The following SLC15A3 variants were observed in gnomAD, a reference collection of about 807,000 sequenced individuals.
SLC15A3 encodes osteoclast transporter.
A neutral mutation model predicts 49.2 loss-of-function variants in SLC15A3; 39 were observed. That is an observed-to-expected ratio of 0.79 (90% CI 0.61 to 1.04). The LOEUF is 1.04. Among genes scored for constraint, SLC15A3 ranks in the 50% least tolerant of loss-of-function variants. The pLI is 0.00. For synonymous variants in SLC15A3, 339 were observed against 367.0 expected, an observed-to-expected ratio of 0.92 and a Z score of 0.87; for missense variants, 758 against 794.8, an observed-to-expected ratio of 0.95 and a Z score of 0.56.
chr11:60,947,582 C>T lies in SLC15A3; in HGVS notation c.559-761G>A, dbSNP rs1392175766. On this transcript the variant is annotated intron_variant, in intron 1 of 7. Coordinates refer to ENST00000227880, the MANE Select transcript of SLC15A3 (RefSeq NM_016582.3). ...GTTACCGAAAGAACAGAAGTCTGAG[C>T]GAGAATTTCCTCTGCAGTTCGGAGA... Among the ~76,000 whole-genome samples, 7 of 152,242 alleles carry T rather than the reference C, an allele frequency of 4.6e-5. No homozygotes were observed. In the South Asian group the frequency reaches 1.2e-3, roughly 27 times the overall value.
chr11:60,950,617 T>TAAA (rs11417679), intron 1 of SLC15A3, among the ~76,000 whole-genome samples: 3 of 146,250 alleles, frequency 2.1e-5, no homozygotes, highest in Admixed American at 6.7e-5. Flanking sequence ...CACCTCTACT[T>TAAA]AAAAAAAAAA....
chr11:60,947,415 G>A (rs1183884420), intron 1 of SLC15A3, among the ~76,000 whole-genome samples: 4 of 152,160 alleles, frequency 2.6e-5, no homozygotes, highest in East Asian at 1.9e-4. Context: ...TCCTGACCTC[G>A]TGATCCGCTC....
At chr11:60,942,874 G>C (rs571666261) in intron 3 of SLC15A3, 4 of 152,182 alleles carry the variant, frequency 2.6e-5, no homozygotes, top group East Asian at 1.9e-4. Context: ...TCCTGTGAAG[G>C]GGGTATGGAA....
In SLC15A3 at chr11:60,951,677, C is replaced by A; in HGVS notation, c.-126G>T. The A allele has an allele frequency of 1.4e-6, 1 of 720,048 alleles. No individual in the cohort carries two copies. The highest frequency in any genetic ancestry group is 1.7e-6 in the Non-Finnish European group (1 of 577,408). The allele number at this position is 720,048 out of a possible 1,614,324, so 44.6% of individuals were successfully genotyped here. A position where few individuals can be genotyped will look rare whatever the true frequency, so the allele number is the denominator to read the frequency against. On this transcript the variant is annotated 5_prime_UTR_variant, in exon 1 of 8. Transcript: ENST00000227880. ...CAACTGGCTGGCCCTCCTTTCTCACCGCTTTGGCCCACCCTTCCCTCCTGT... is the reference window on the plus strand; with the variant it reads ...CAACTGGCTGGCCCTCCTTTCTCACAGCTTTGGCCCACCCTTCCCTCCTGT...
Position 60,950,875 on chromosome 11 carries a change from T to C in SLC15A3, c.558+119A>G, listed in dbSNP as rs922909876. ...TTGCAAGGGCTAGCCCCCCTCTTCT[T>C]TCAAATCAGGAAACTAGTGCAGGCA... is the stretch of plus-strand genomic sequence containing the variant. On this transcript the variant is annotated intron_variant, in intron 1 of 7. Coordinates refer to ENST00000227880, the MANE Select transcript of SLC15A3 (RefSeq NM_016582.3). 5 of 1,112,556 alleles carry C rather than the reference T, an allele frequency of 4.5e-6. No individual in the cohort carries two copies. In the East Asian group the frequency reaches 1.3e-4, roughly 28 times the overall value. The allele number at this position is 1,112,556 out of a possible 1,614,324, so 68.9% of individuals were successfully genotyped here.
chr11:60,949,908 C>T (rs1856884170), intron 1 of SLC15A3, among the ~76,000 whole-genome samples: 1 of 152,198 alleles, frequency 6.6e-6, no homozygotes, highest in South Asian at 2.1e-4. Flanking sequence ...CCTGCTTTTG[C>T]TCATTTACAC....
At chr11:60,938,645 CT>C (rs1856661915) in intron 6 of SLC15A3, among the ~76,000 whole-genome samples, 1 of 152,140 alleles carries the variant, frequency 6.6e-6, no homozygotes, top group South Asian at 2.1e-4. Flanking sequence ...CCCTTCGACA[CT>C]TCGGCTCCCT....
intron 3 of SLC15A3, 108 bp from the exon 4 acceptor site, chr11:60,942,253 C>CTGTGGTACGGCG: frequency 2.3e-6 from 2 of 876,590 alleles, no homozygotes; most frequent in East Asian, 2.6e-5. Context: ...GGCAGCTGTC[C>CTGTGGTACGGCG]CCTCTCCCAG....
At position 60,949,556 on chromosome 11, in the gene SLC15A3, G is replaced by GA. The variant is rs147789337; in HGVS notation, c.558+1437dup. ...AGAAAGAAAGAAAGAAAGAAAGAAA[G>GA]AAAGAAAGAAAGAAAAGAGATGGCC... On this transcript the variant is annotated intron_variant, in intron 1 of 7. Transcript: ENST00000227880. Among the ~76,000 whole-genome samples, 35 of 71,438 alleles carry GA rather than the reference G, an allele frequency of 4.9e-4. 2 individuals are homozygous for GA. The highest frequency in any genetic ancestry group is 6.8e-3 in the Middle Eastern group (1 of 146). 46.9% of individuals were successfully genotyped at this position (71,438 alleles called of 152,430 possible).
At chr11:60,937,694 G>A (rs761035546) in intron 7 of SLC15A3, 176 bp downstream of exon 7, 1 of 804,944 alleles carries the variant, frequency 1.2e-6, no homozygotes, top group East Asian at 2.7e-5. Context: ...GGAAAGAAAG[G>A]CCCAAGGAGG....
Position 60,943,669 on chromosome 11 carries a change from A to G in SLC15A3, c.996+20T>C. On this transcript the variant is annotated intron_variant, in intron 3 of 7. Transcript: ENST00000227880. ...GAGTGGGGAGCCAGGCCCCCAGAGA[A>G]AAAGGGCAGGTATGCTCACCTGGAA... 1 of 1,495,130 alleles carries G rather than the reference A, an allele frequency of 6.7e-7. No individual in the cohort carries two copies. Among genetic ancestry groups the G allele is most frequent in the Non-Finnish European group, 9.0e-7 (1 of 1,113,650 alleles). The allele number at this position is 1,495,130 out of a possible 1,614,324, so 92.6% of individuals were successfully genotyped here.
At position 60,941,461 on chromosome 11, in the gene SLC15A3, A is replaced by G. The variant is rs1024071185; in HGVS notation, c.1108-171T>C. 7 of 594,350 alleles carry G rather than the reference A, an allele frequency of 1.2e-5. No homozygotes were observed. In the Admixed American group the frequency reaches 2.1e-4, roughly 18 times the overall value. 36.8% of individuals were successfully genotyped at this position (594,350 alleles called of 1,614,324 possible). A position where few individuals can be genotyped will look rare whatever the true frequency, so the allele number is the denominator to read the frequency against. On this transcript the variant is annotated intron_variant, in intron 4 of 7. Coordinates refer to ENST00000227880, the MANE Select transcript of SLC15A3 (RefSeq NM_016582.3). ...AACCAGGGAGTGGGATTATGTAGAGATGGCAAATAGGTTCCTCTTGTATTC... is the reference window on the plus strand; with the variant it reads ...AACCAGGGAGTGGGATTATGTAGAGGTGGCAAATAGGTTCCTCTTGTATTC...
At position 60,937,383 on chromosome 11, in the gene SLC15A3, G is replaced by A. The variant is rs747382116; in HGVS notation, c.1592-10C>T. On this transcript the variant is annotated splice_polypyrimidine_tract_variant and intron_variant, in intron 7 of 7. Transcript: ENST00000227880. ...CAATTGTTGATGTTCCCTGGGGAAA[G>A]GAGGGGTTAGATTTGGGTCAGGACA... is the stretch of plus-strand genomic sequence containing the variant. The A allele has an allele frequency of 2.5e-6, 4 of 1,613,928 alleles. No homozygotes were observed. In the East Asian group the frequency reaches 6.7e-5, roughly 27 times the overall value.
chr11:60,938,198 C>T (rs1856653746), intron 6 of SLC15A3, 173 bp from the exon 7 acceptor site: 1 of 758,454 alleles, frequency 1.3e-6, no homozygotes, highest in Non-Finnish European at 2.1e-6. Context: ...GCCGCCTTCC[C>T]CTCTGCCCTG....
rs372172597 is a variant in SLC15A3 at position 60,943,706 on chromosome 11, A to T, written c.979T>A (p.Trp327Arg). 4 of 1,591,978 alleles carry T rather than the reference A, an allele frequency of 2.5e-6. No individual in the cohort carries two copies. The highest frequency in any genetic ancestry group is 3.4e-6 in the Non-Finnish European group (4 of 1,167,558). Reference protein sequence around the residue: ...LPVMVTLVPYWMVYFQMQSTY... With the variant: ...LPVMVTLVPYRMVYFQMQSTY... ...ATGCTCACCTGGAAGTAGACCATCC[A>T]GTAGGGCACCAGGGTCACCATGACG... The change falls in exon 3 of 8, where the codon TGG becomes AGG. Residue 327 changes from tryptophan (W) to arginine (R), a missense_variant. Transcript: ENST00000227880.
rs1856937769 is a variant in SLC15A3, at chr11:60,951,938, C to T, written c.-387G>A. Among the ~76,000 whole-genome samples the T allele has an allele frequency of 6.6e-6, 1 of 152,002 alleles. No individual in the cohort carries two copies. The highest frequency in any genetic ancestry group is 2.1e-4 in the South Asian group (1 of 4,832). On this transcript the variant is annotated 5_prime_UTR_variant, in exon 1 of 8. Coordinates refer to ENST00000227880, the MANE Select transcript of SLC15A3 (RefSeq NM_016582.3). ...CTGCTTCACTTCGCTGCCCCTCCGC[C>T]TCCCTTTCCCCTCCCCGTTTGTCGC...
rs762816229 is a variant in SLC15A3 at position 60,946,807 on chromosome 11, G to C, written c.573C>G (p.Gly191=). 1 of 1,609,900 alleles carries C rather than the reference G, an allele frequency of 6.2e-7. No homozygotes were observed. Among genetic ancestry groups the C allele is most frequent in the Non-Finnish European group, 8.5e-7 (1 of 1,178,912 alleles). ...TGAAGAAGCGGCGGGTGGCGTCGCG[G>C]CCGAGATCCATCACCTGCCATTCAG... ...SFGADQVMDL[G]RDATRRFFNW... Residue 191 remains glycine, a synonymous_variant, in exon 2 of 8, where the codon GGC becomes GGG. Coordinates refer to ENST00000227880, the MANE Select transcript of SLC15A3 (RefSeq NM_016582.3).
Position 60,942,079 on chromosome 11 carries a change from C to T in SLC15A3, c.1063G>A (p.Ala355Thr). The T allele has an allele frequency of 6.2e-7, 1 of 1,614,068 alleles. No individual in the cohort carries two copies. Among genetic ancestry groups the T allele is most frequent in the South Asian group, 1.1e-5 (1 of 91,080 alleles). ...GCTCTCAGGGCCACAGAGATGTTGG[C>T]CGGGTTGGCTGGGAAAATGTTTGGG... is the stretch of plus-strand genomic sequence containing the variant. ...HIPNIFPANPANISVALRAQG... is the reference protein window; with the variant it reads ...HIPNIFPANPTNISVALRAQG... The change falls in exon 4 of 8, where the codon GCC becomes ACC. Residue 355 changes from alanine (A) to threonine (T), a missense_variant. This residue lies in a region of SLC15A3 where 699 missense variants were observed against 706.7 expected (regional missense o/e 0.99). Transcript: ENST00000227880.
rs1432653222 is a variant in SLC15A3 at position 60,939,498 on chromosome 11, T to G, written c.1417A>C (p.Ile473Leu). 1 of 1,613,964 alleles carries G rather than the reference T, an allele frequency of 6.2e-7. No homozygotes were observed. The highest frequency in any genetic ancestry group is 8.5e-7 in the Non-Finnish European group (1 of 1,179,996). ...PQYLLIGISE[I>L]FASIPGLEFA... ...AGGGTACCTGGGATGCTGGCAAAGATCTCACTGATCCCAATGAGCAGGTAC... is the reference window on the plus strand; with the variant it reads ...AGGGTACCTGGGATGCTGGCAAAGAGCTCACTGATCCCAATGAGCAGGTAC... Residue 473 changes from isoleucine (I) to leucine (L), a missense_variant, in exon 6 of 8, where the codon ATC (isoleucine) becomes CTC (leucine). Transcript: ENST00000227880.
Sources: gnomAD v4.1 joint callset for allele counts (sites outside exome capture counted in the v4.1 genomes callset) on GRCh38, gnomAD v4.1.1 for gene constraint, gnomAD v4.1.1 regional missense constraint, MANE v1.5 for transcripts, NCBI Gene and HGNC (gene_info 2026-07-23, HGNC 2026-07-21) for gene names.